GTF2F2: variants seen among roughly 807,000 people sequenced by gnomAD.
GTF2F2 encodes general transcription factor IIF subunit 2, also known as ATP-dependent helicase GTF2F2.
GTF2F2 carries 23 observed loss-of-function variants against 42.2 expected under a neutral mutation model. The observed-to-expected ratio is 0.55, with a 90% CI of 0.39 to 0.77. The LOEUF is 0.77. GTF2F2 is among the 30% of genes least tolerant of loss of function. The probability of loss-of-function intolerance (pLI) is 0.00; values close to 1 mark genes in which losing one functional copy is unlikely to be tolerated. For synonymous variants in GTF2F2, 105 were observed against 100.8 expected, an observed-to-expected ratio of 1.04 and a Z score of -0.25; for missense variants, 261 against 287.2, an observed-to-expected ratio of 0.91 and a Z score of 0.66.
intron 4 of GTF2F2, among the ~76,000 whole-genome samples, chr13:45,196,957 G>A (rs1423728170): frequency 6.6e-6 from 1 of 151,940 alleles, no homozygotes; most frequent in Non-Finnish European, 1.5e-5. Context: ...AACCACTGAT[G>A]AGTGCTCGTT....
At chr13:45,183,098 G>T (rs1293790251) in intron 4 of GTF2F2, among the ~76,000 whole-genome samples, 2 of 152,176 alleles carry the variant, frequency 1.3e-5, no homozygotes, top group African/African-American at 4.8e-5. Flanking sequence ...CCAGGATCTG[G>T]TCCGAAGGCA....
chr13:45,180,434 T>C (rs908615072), intron 4 of GTF2F2, among the ~76,000 whole-genome samples: 3 of 152,170 alleles, frequency 2.0e-5, no homozygotes, highest in Non-Finnish European at 4.4e-5. Flanking sequence ...TGTCATTTTT[T>C]TCCGTATGTG....
rs148502704 is a variant in GTF2F2 at position 45,170,003 on chromosome 13, G to T, written c.304+18172G>T. Among the ~76,000 whole-genome samples, 192 of 152,172 alleles carry T rather than the reference G, an allele frequency of 1.3e-3. 1 individual carries two copies. The highest frequency in any genetic ancestry group is 0.01 in the Middle Eastern group (3 of 294). On this transcript the variant is annotated intron_variant, in intron 4 of 7. Coordinates refer to ENST00000340473, the MANE Select transcript of GTF2F2 (RefSeq NM_004128.3). ...TTCCAACATTTATTTTATTTTATTT[G>T]ATTTTTAATAAGAGACTGGTTATTT...
chr13:45,275,308 T>C (rs972910256), intron 7 of GTF2F2, among the ~76,000 whole-genome samples: 1 of 151,898 alleles, frequency 6.6e-6, no homozygotes, highest in African/African-American at 2.4e-5. Context: ...GTGTTTATTA[T>C]TATTATTATT....
chr13:45,227,962 A>G (rs1874447130), intron 5 of GTF2F2, among the ~76,000 whole-genome samples: 1 of 152,210 alleles, frequency 6.6e-6, no homozygotes, highest in African/African-American at 2.4e-5. Context: ...GACAAATCCT[A>G]GGAATTACCA....
intron 1 of GTF2F2, chr13:45,122,972 A>G (rs77853645): frequency 0.031 from 4,651 of 152,232 alleles, 117 homozygotes; most frequent in Non-Finnish European, 0.045. Flanking sequence ...CTGGGAAGAC[A>G]TCATAAAGAA....
At chr13:45,185,736 T>C (rs1872388813) in intron 4 of GTF2F2, among the ~76,000 whole-genome samples, 1 of 152,214 alleles carries the variant, frequency 6.6e-6, no homozygotes, top group Non-Finnish European at 1.5e-5. Context: ...AGATTGTTTT[T>C]TAAGAAAGAA....
intron 5 of GTF2F2, among the ~76,000 whole-genome samples, chr13:45,216,315 TTAAGA>T (rs2138199821): frequency 2.6e-5 from 4 of 152,300 alleles, no homozygotes; most frequent in African/African-American, 9.6e-5. Context: ...TATTTTCACT[TTAAGA>T]TAGGGGGAGT....
At chr13:45,253,994 G>A (rs1369080968) in intron 6 of GTF2F2, among the ~76,000 whole-genome samples, 5 of 151,486 alleles carry the variant, frequency 3.3e-5, no homozygotes, top group African/African-American at 9.7e-5. Context: ...AATGGGAGGC[G>A]GAGCTTGCAG....
At chr13:45,209,992 A>G (rs1375983791) in intron 5 of GTF2F2, among the ~76,000 whole-genome samples, 3 of 152,148 alleles carry the variant, frequency 2.0e-5, no homozygotes, top group Non-Finnish European at 2.9e-5. Flanking sequence ...ATGAACTGCC[A>G]TTATTTCTTA....
At chr13:45,184,939 G>A (rs1039306310) in intron 4 of GTF2F2, among the ~76,000 whole-genome samples, 12 of 152,138 alleles carry the variant, frequency 7.9e-5, no homozygotes, top group Admixed American at 5.9e-4. Flanking sequence ...CGCCTCCTGA[G>A]TAGCTGGAAC....
intron 4 of GTF2F2, among the ~76,000 whole-genome samples, chr13:45,180,802 G>T (rs1468056139): frequency 3.3e-5 from 5 of 152,064 alleles, no homozygotes; most frequent in African/African-American, 1.2e-4. Flanking sequence ...TTCTTTAAAA[G>T]AAGTATATTT....
intron 7 of GTF2F2, among the ~76,000 whole-genome samples, chr13:45,269,241 T>C (rs1481009687): frequency 6.6e-6 from 1 of 152,166 alleles, no homozygotes; most frequent in Non-Finnish European, 1.5e-5. Flanking sequence ...TCAGCAAATA[T>C]CTCATGAATT....
chr13:45,188,095 A>G (rs1248073189), intron 4 of GTF2F2, among the ~76,000 whole-genome samples: 2 of 152,116 alleles, frequency 1.3e-5, no homozygotes, highest in Non-Finnish European at 1.5e-5. Flanking sequence ...TAGTAGAGAC[A>G]GGGTTTCACC....
chr13:45,223,261 A>AT (rs1874191215), intron 5 of GTF2F2, among the ~76,000 whole-genome samples: 2 of 71,724 alleles, frequency 2.8e-5, no homozygotes, highest in Admixed American at 1.4e-4. Flanking sequence ...CCTTGTCTCA[A>AT]TAAAAAAAAA....
chr13:45,277,446 CG>C (rs1294626200), intron 7 of GTF2F2, among the ~76,000 whole-genome samples: 1 of 152,118 alleles, frequency 6.6e-6, no homozygotes, highest in Non-Finnish European at 1.5e-5. Flanking sequence ...CTCACTATCT[CG>C]AGGATAGTAC....
chr13:45,160,673 C>G (rs1173918507), intron 4 of GTF2F2, among the ~76,000 whole-genome samples: 1 of 151,730 alleles, frequency 6.6e-6, no homozygotes, highest in Non-Finnish European at 1.5e-5. Context: ...TATAGGGGAG[C>G]TGTTAAGTTT....
chr13:45,215,654 G>A (rs997274518), intron 5 of GTF2F2, among the ~76,000 whole-genome samples: 32 of 151,790 alleles, frequency 2.1e-4, no homozygotes, highest in East Asian at 3.9e-4. Flanking sequence ...CCAACTACTC[G>A]GGAGGCTGAG....
At chr13:45,199,297 A>G (rs182134098) in intron 4 of GTF2F2, among the ~76,000 whole-genome samples, 28 of 152,368 alleles carry the variant, frequency 1.8e-4, no homozygotes, top group African/African-American at 5.8e-4. Context: ...ATAAGGCACT[A>G]TGTGTCAAAA....
Sources: allele counts gnomAD v4.1 joint callset (sites outside exome capture counted in the v4.1 genomes callset), GRCh38; gene constraint gnomAD v4.1.1; transcripts MANE v1.5; gene names NCBI Gene and HGNC (gene_info 2026-07-23, HGNC 2026-07-21).